Variants in FOXP2 observed in about 807,000 individuals in gnomAD.
FOXP2 encodes the protein forkhead box P2.
In FOXP2, 12 loss-of-function variants were observed where a neutral mutation model predicts 115.8. That is an observed-to-expected ratio of 0.10 (90% CI 0.07 to 0.17). FOXP2 has a LOEUF of 0.17. Ranked by LOEUF, FOXP2 falls within the 10% of genes least tolerant of loss-of-function variation. FOXP2 has a pLI of 1.00. For missense variants in FOXP2, 629 were observed against 843.5 expected (o/e 0.75, Z 3.15); for synonymous variants, 328 against 297.7 (o/e 1.10, Z -1.05).
chr7:114,572,519 A>G (rs1459709529), intron 3 of FOXP2, among the ~76,000 whole-genome samples: 1 of 151,876 alleles, frequency 6.6e-6, no homozygotes, highest in African/African-American at 2.4e-5. Flanking sequence ...AGGAAGATAA[A>G]TTTTAGGTAA....
At position 114,629,539 on chromosome 7, in the gene FOXP2, T is replaced by C. The variant is rs1173121477; in HGVS notation, c.397-266T>C. On this transcript the variant is annotated intron_variant, in intron 4 of 16. Coordinates refer to ENST00000350908, the MANE Select transcript of FOXP2 (RefSeq NM_014491.4). Reference sequence around the variant, plus strand: ...ACTTCAGATGTAATAATTTAAAGTATTAATTTGGCTCTGACCCTTTAGAAT... The same window carrying C: ...ACTTCAGATGTAATAATTTAAAGTACTAATTTGGCTCTGACCCTTTAGAAT... 3.5e-6 allele frequency: 5 copies of C among 1,424,342 alleles called. No individual in the cohort carries two copies. In the East Asian group the frequency reaches 7.5e-5, roughly 21 times the overall value. The allele number at this position is 1,424,342 out of a possible 1,614,324, so 88.2% of individuals were successfully genotyped here. A position where few individuals can be genotyped will look rare whatever the true frequency, so the allele number is the denominator to read the frequency against.
At chr7:114,557,308 T>A (rs1412578935) in intron 3 of FOXP2, among the ~76,000 whole-genome samples, 1 of 152,178 alleles carries the variant, frequency 6.6e-6, no homozygotes, top group Non-Finnish European at 1.5e-5. Context: ...CTGGCATTTG[T>A]TTTAGAAATA....
intron 1 of FOXP2, among the ~76,000 whole-genome samples, chr7:114,184,976 A>T (rs916738247): frequency 3.3e-5 from 5 of 152,162 alleles, no homozygotes; most frequent in African/African-American, 1.2e-4. Flanking sequence ...TGACTGTCCT[A>T]TGTTACGTCA....
At chr7:114,293,135 T>G (rs560181929) in intron 2 of FOXP2, among the ~76,000 whole-genome samples, 1 of 152,240 alleles carries the variant, frequency 6.6e-6, no homozygotes, top group East Asian at 1.9e-4. Flanking sequence ...TTATATTTTT[T>G]CCCCCATATT....
intron 1 of FOXP2, among the ~76,000 whole-genome samples, chr7:114,278,512 G>C (rs900724566): frequency 3.9e-5 from 6 of 151,958 alleles, no homozygotes; most frequent in Admixed American, 3.9e-4. Flanking sequence ...CCACCACCAT[G>C]CCTGGCTAAT....
intron 1 of FOXP2, among the ~76,000 whole-genome samples, chr7:114,105,137 G>A (rs1033705160): frequency 2.6e-5 from 4 of 151,952 alleles, no homozygotes; most frequent in African/African-American, 9.7e-5. Context: ...GAGAAATGAT[G>A]AGATAGTCGT....
chr7:114,241,955 A>G (rs1475386063), intron 1 of FOXP2, among the ~76,000 whole-genome samples: 1 of 150,432 alleles, frequency 6.6e-6, no homozygotes, highest in Non-Finnish European at 1.5e-5. Context: ...TTAATACAAG[A>G]TAAAAATTTT....
intron 1 of FOXP2, among the ~76,000 whole-genome samples, chr7:114,249,364 C>T (rs1795374069): frequency 6.6e-6 from 1 of 151,964 alleles, no homozygotes; most frequent in African/African-American, 2.4e-5. Context: ...GCTCTCCTTC[C>T]CCCCCGTTCC....
chr7:114,424,364 C>A (rs1470205074), intron 1 of FOXP2, among the ~76,000 whole-genome samples: 1 of 151,338 alleles, frequency 6.6e-6, no homozygotes, highest in South Asian at 2.1e-4. Flanking sequence ...CATCCAGAAA[C>A]AATAAATATT....
intron 3 of FOXP2, among the ~76,000 whole-genome samples, chr7:114,617,364 T>G (rs777826999): frequency 3.3e-5 from 5 of 152,164 alleles, no homozygotes; most frequent in African/African-American, 4.8e-5. Flanking sequence ...TTCCTCTCTA[T>G]CCCATTCAAG....
At chr7:114,554,305 A>G (rs1206786213) in intron 3 of FOXP2, among the ~76,000 whole-genome samples, 1 of 152,138 alleles carries the variant, frequency 6.6e-6, no homozygotes, top group Non-Finnish European at 1.5e-5. Flanking sequence ...TGTAGAAAAC[A>G]GATTATGCAA....
At position 114,685,227 on chromosome 7, in the gene FOXP2, T is replaced by C. The variant is rs17137183; in HGVS notation, c.2004-4555T>C. ...CATTTCATTAGGACCAAATAGTTTA[T>C]TTATCACGTTAAATAGTACCTACAA... On this transcript the variant is annotated intron_variant, in intron 16 of 16. Transcript: ENST00000350908. Among the ~76,000 whole-genome samples the C allele has an allele frequency of 1.9e-3, 282 of 152,304 alleles. 4 individuals carry two copies. The highest frequency in any genetic ancestry group is 0.016 in the East Asian group (85 of 5,194).
chr7:114,547,427 G>A (rs559981001), intron 3 of FOXP2, among the ~76,000 whole-genome samples: 9 of 152,198 alleles, frequency 5.9e-5, no homozygotes, highest in African/African-American at 1.2e-4. Context: ...CTAGGGAACC[G>A]GAAGTGAGAT....
At chr7:114,355,344 T>A (rs1584661402) in intron 2 of FOXP2, among the ~76,000 whole-genome samples, 1 of 152,180 alleles carries the variant, frequency 6.6e-6, no homozygotes, top group African/African-American at 2.4e-5. Flanking sequence ...ATGGGGAGAC[T>A]GGAGCTACTT....
At position 114,281,095 on chromosome 7, in the gene FOXP2, A is replaced by ATTTT. The variant is rs71157578; in HGVS notation, c.-101-6903_-101-6900dup. Among the ~76,000 whole-genome samples the ATTTT allele has an allele frequency of 5.4e-4, 50 of 92,880 alleles. 1 individual carries two copies. Among genetic ancestry groups the ATTTT allele is most frequent in the South Asian group, 1.2e-3 (3 of 2,484 alleles). The allele number at this position is 92,880 out of a possible 152,430, so 60.9% of individuals were successfully genotyped here. A position where few individuals can be genotyped will look rare whatever the true frequency, so the allele number is the denominator to read the frequency against. On this transcript the variant is annotated intron_variant, in intron 1 of 17. Coordinates refer to the FOXP2 transcript ENST00000634411. The stretch of plus-strand genomic sequence containing the variant: ...GAGAAAGGCTTTTTATGCAATTTGA[A>ATTTT]TTTTTTTTTTTTTTTTTTTTTTTTG...
At chr7:114,265,605 C>T (rs1210790443) in intron 1 of FOXP2, among the ~76,000 whole-genome samples, 2 of 151,904 alleles carry the variant, frequency 1.3e-5, no homozygotes, top group Non-Finnish European at 2.9e-5. Flanking sequence ...TAGGCAGTAC[C>T]CTAGTGAGTA....
intron 1 of FOXP2, among the ~76,000 whole-genome samples, chr7:114,213,070 A>T (rs1016942477): frequency 6.6e-6 from 1 of 152,188 alleles, no homozygotes; most frequent in African/African-American, 2.4e-5. Context: ...AATTTTTTTT[A>T]AAGGCAGTCA....
intron 1 of FOXP2, among the ~76,000 whole-genome samples, chr7:114,215,942 A>G (rs559669955): frequency 1.3e-5 from 2 of 152,172 alleles, no homozygotes; most frequent in Non-Finnish European, 2.9e-5. Flanking sequence ...TGCATTATAT[A>G]TGCAGATAAA....
chr7:114,209,182 C>A (rs1332844328), intron 1 of FOXP2, among the ~76,000 whole-genome samples: 1 of 152,112 alleles, frequency 6.6e-6, no homozygotes. Flanking sequence ...ATAAGGGGGT[C>A]CCTCCTTTGC....
Sources: allele counts gnomAD v4.1 joint callset (sites outside exome capture counted in the v4.1 genomes callset), GRCh38; gene constraint gnomAD v4.1.1; transcripts MANE v1.5; gene names NCBI Gene and HGNC (gene_info 2026-07-23, HGNC 2026-07-21).